LIN52: variants seen among roughly 807,000 people sequenced by gnomAD.
The protein encoded by LIN52 is protein lin-52 homolog.
Under a neutral mutation model 18.5 loss-of-function variants are expected in LIN52, and 4 were observed. The ratio of observed to expected loss-of-function variants is 0.22; its 90% CI spans 0.11 to 0.49. The LOEUF is 0.49. Among genes scored for constraint, LIN52 ranks in the 20% least tolerant of loss-of-function variants. The pLI is 0.97. For synonymous variants in LIN52, 34 were observed against 45.5 expected (o/e 0.75, Z 1.02); for missense variants, 102 against 139.5 (o/e 0.73, Z 1.35).
chr14:74,127,435 AAT>A (rs931301442), intron 5 of LIN52, among the ~76,000 whole-genome samples: 4 of 152,198 alleles, frequency 2.6e-5, no homozygotes, highest in Non-Finnish European at 5.9e-5. Context: ...AAAGAAGACT[AAT>A]ATGAATTCAG....
At chr14:74,148,741 G>GA (rs76723467) in intron 5 of LIN52, among the ~76,000 whole-genome samples, 15,317 of 150,392 alleles carry the variant, frequency 0.1, 848 homozygotes, top group South Asian at 0.18. Context: ...AGGTTAGACA[G>GA]AAAAAAAAAA....
chr14:74,181,673 A>G (rs1490593021), intron 5 of LIN52, among the ~76,000 whole-genome samples: 2 of 152,106 alleles, frequency 1.3e-5, no homozygotes, highest in Non-Finnish European at 2.9e-5. Context: ...ACTCAATATA[A>G]TTTTCTGGCT....
intron 5 of LIN52, among the ~76,000 whole-genome samples, chr14:74,177,148 G>A (rs1401478437): frequency 2.6e-5 from 4 of 152,002 alleles, no homozygotes; most frequent in Non-Finnish European, 4.4e-5. Flanking sequence ...ACAGGCATGT[G>A]TCACCACACC....
intron 5 of LIN52, among the ~76,000 whole-genome samples, chr14:74,145,631 T>C (rs1373147057): frequency 6.6e-6 from 1 of 152,224 alleles, no homozygotes; most frequent in Non-Finnish European, 1.5e-5. Flanking sequence ...GGTCGAAAAG[T>C]CAGAAGTATT....
At chr14:74,091,847 C>T (rs1164519599) in intron 2 of LIN52, among the ~76,000 whole-genome samples, 1 of 147,824 alleles carries the variant, frequency 6.8e-6, no homozygotes, top group Non-Finnish European at 1.5e-5. Flanking sequence ...TATCATTTAA[C>T]TTTAATGATT....
intron 5 of LIN52, 55 bp from the exon 6 acceptor site, chr14:74,198,867 T>C (rs980008193): frequency 7.8e-7 from 1 of 1,277,584 alleles, no homozygotes; most frequent in African/African-American, 1.5e-5. Flanking sequence ...CTTCCTATGA[T>C]TCTTTTTTCC....
chr14:74,093,030 C>T (rs1432275695), intron 2 of LIN52, among the ~76,000 whole-genome samples: 1 of 151,972 alleles, frequency 6.6e-6, no homozygotes, highest in Admixed American at 6.6e-5. Context: ...CGGCTCACTG[C>T]AACGTCCGCC....
chr14:74,131,535 G>T (rs2061067576), intron 5 of LIN52, among the ~76,000 whole-genome samples: 1 of 152,012 alleles, frequency 6.6e-6, no homozygotes, highest in African/African-American at 2.4e-5. Flanking sequence ...GGCCAGGCTG[G>T]TCTCGAACTC....
chr14:74,146,391 T>C (rs2061152623), intron 5 of LIN52, among the ~76,000 whole-genome samples: 1 of 152,122 alleles, frequency 6.6e-6, no homozygotes, highest in African/African-American at 2.4e-5. Flanking sequence ...AGAGTACTGT[T>C]AGGGAATCTC....
At chr14:74,192,001 C>G (rs1014094381) in intron 5 of LIN52, among the ~76,000 whole-genome samples, 2 of 152,212 alleles carry the variant, frequency 1.3e-5, no homozygotes, top group Non-Finnish European at 2.9e-5. Flanking sequence ...AAGAAGGTAG[C>G]TCCACCTAGT....
chr14:74,093,931 T>TGA (rs1400000107), intron 2 of LIN52, among the ~76,000 whole-genome samples: 2 of 149,862 alleles, frequency 1.3e-5, no homozygotes, highest in African/African-American at 4.9e-5. Flanking sequence ...TGCAGTGAGC[T>TGA]GAGATCACTC....
intron 3 of LIN52, among the ~76,000 whole-genome samples, chr14:74,096,843 A>G (rs972672118): frequency 3.3e-5 from 5 of 152,192 alleles, no homozygotes; most frequent in African/African-American, 1.2e-4. Flanking sequence ...CTAAATCATT[A>G]TGTCTGGAGT....
In LIN52 at chr14:74,200,705, G is replaced by T. The variant is rs1445088789; in HGVS notation, c.*1728G>T. On this transcript the variant is annotated 3_prime_UTR_variant, in exon 6 of 6. Transcript: ENST00000555028. The stretch of plus-strand genomic sequence containing the variant: ...ATGAGTATGAGAAGTAAAACATTCT[G>T]CTGGGGTGCTACATAGAAGGTTAGG... 6.6e-6 allele frequency: 1 copy of T among 152,240 alleles called. No homozygotes were observed. Among genetic ancestry groups the T allele is most frequent in the Non-Finnish European group, 1.5e-5 (1 of 68,036 alleles). 9.4% of individuals were successfully genotyped at this position (152,240 alleles called of 1,614,324 possible). A position where few individuals can be genotyped will look rare whatever the true frequency, so the allele number is the denominator to read the frequency against.
intron 1 of LIN52, among the ~76,000 whole-genome samples, chr14:74,091,025 A>C (rs903921839): frequency 6.6e-6 from 1 of 152,262 alleles, no homozygotes; most frequent in African/African-American, 2.4e-5. Context: ...ATAAAATATC[A>C]TTCCCATTCA....
rs2061055285 is a variant in LIN52 at position 74,130,278 on chromosome 14, G to GTTTTTTTTTTTGTTTTT, written c.283+29051_283+29052insGTTTTTTTTTTTTTTTT. On this transcript the variant is annotated intron_variant, in intron 5 of 5. Transcript: ENST00000555028. ...GAATTTATTAGATAGGCATTTTTTG[G>GTTTTTTTTTTTGTTTTT]TTTTTTTTTTTTTTTTTTGAGACAG... Among the ~76,000 whole-genome samples, 19 of 64,820 alleles carry GTTTTTTTTTTTGTTTTT rather than the reference G, an allele frequency of 2.9e-4. 1 individual carries two copies. The highest frequency in any genetic ancestry group is 1.4e-3 in the South Asian group (2 of 1,480). 42.5% of individuals were successfully genotyped at this position (64,820 alleles called of 152,430 possible).
chr14:74,133,891 G>A (rs2061082528), intron 5 of LIN52, among the ~76,000 whole-genome samples: 1 of 152,096 alleles, frequency 6.6e-6, no homozygotes, highest in South Asian at 2.1e-4. Context: ...GGAGAGTGGA[G>A]GAAATCAAGA....
At chr14:74,124,848 G>C (rs1036309015) in intron 5 of LIN52, among the ~76,000 whole-genome samples, 1 of 144,044 alleles carries the variant, frequency 6.9e-6, no homozygotes, top group Non-Finnish European at 1.5e-5. Context: ...AGAGGCTCTT[G>C]ATAAAGAAGT....
intron 5 of LIN52, among the ~76,000 whole-genome samples, chr14:74,135,514 T>TA (rs1352004016): frequency 6.6e-6 from 1 of 151,892 alleles, no homozygotes; most frequent in African/African-American, 2.4e-5. Flanking sequence ...CTCGTCTGCT[T>TA]ACATTCCTTT....
intron 5 of LIN52, among the ~76,000 whole-genome samples, chr14:74,194,681 T>C (rs2078899144): frequency 6.6e-6 from 1 of 152,178 alleles, no homozygotes; most frequent in Non-Finnish European, 1.5e-5. Context: ...ATGTACGACA[T>C]AATAGGGCCT....
Sources: gnomAD v4.1 joint callset for allele counts (sites outside exome capture counted in the v4.1 genomes callset) on GRCh38, gnomAD v4.1.1 for gene constraint, MANE v1.5 for transcripts, NCBI Gene and HGNC (gene_info 2026-07-23, HGNC 2026-07-21) for gene names.